Variants in PDE10A observed in about 807,000 individuals in gnomAD.
The protein encoded by PDE10A is cAMP and cAMP-inhibited cGMP 3',5'-cyclic phosphodiesterase 10A.
In PDE10A, 39 loss-of-function variants were observed where a neutral mutation model predicts 97.7. That is an observed-to-expected ratio of 0.40 (90% CI 0.31 to 0.52). The LOEUF is 0.52. PDE10A is among the 20% of genes least tolerant of loss of function. The pLI, the probability that PDE10A is intolerant of heterozygous loss-of-function variation, is 0.56. For synonymous variants in PDE10A, 371 were observed against 376.8 expected, an observed-to-expected ratio of 0.98 and a Z score of 0.18; for missense variants, 731 against 1,047.8, an observed-to-expected ratio of 0.70 and a Z score of 4.17.
intron 18 of PDE10A, among the ~76,000 whole-genome samples, chr6:165,368,429 A>G (rs922487165): frequency 1.3e-5 from 2 of 152,220 alleles, no homozygotes; most frequent in African/African-American, 4.8e-5. Flanking sequence ...AAGAGGTATA[A>G]ATTGAATTAT....
intron 2 of PDE10A, among the ~76,000 whole-genome samples, chr6:165,508,416 G>T (rs562626451): frequency 5.9e-5 from 9 of 151,888 alleles, no homozygotes; most frequent in Non-Finnish European, 1.2e-4. Flanking sequence ...TTATTGAAGA[G>T]TAGCATTCCT....
chr6:165,390,172 A>C (rs114406559), intron 16 of PDE10A, among the ~76,000 whole-genome samples: 3 of 152,188 alleles, frequency 2.0e-5, no homozygotes, highest in South Asian at 4.1e-4. Context: ...AAAAACAAAC[A>C]AACAAAAAAC....
intron 1 of PDE10A, among the ~76,000 whole-genome samples, chr6:165,595,165 C>T (rs1362196875): frequency 1.3e-5 from 2 of 152,188 alleles, no homozygotes; most frequent in East Asian, 1.9e-4. Context: ...AAGCCCTAGC[C>T]AGCTGCAGGG....
chr6:165,653,721 A>AGACC (rs925838689), intron 1 of PDE10A, among the ~76,000 whole-genome samples: 1 of 152,220 alleles, frequency 6.6e-6, no homozygotes, highest in Non-Finnish European at 1.5e-5. Flanking sequence ...TGATGCAGAT[A>AGACC]GAAACCAATG....
intron 1 of PDE10A, among the ~76,000 whole-genome samples, chr6:165,800,151 T>C (rs1217039098): frequency 6.6e-6 from 1 of 152,158 alleles, no homozygotes; most frequent in East Asian, 1.9e-4. Context: ...AAGGAACATT[T>C]TCTAAAAGCG....
chr6:165,905,951 T>G (rs1782249263), intron 1 of PDE10A, among the ~76,000 whole-genome samples: 4 of 148,946 alleles, frequency 2.7e-5, no homozygotes, highest in Admixed American at 2.7e-4. Context: ...TTTTTCCTTC[T>G]TTCTTTGTTC....
At chr6:165,895,242 C>T (rs532554964) in intron 1 of PDE10A, among the ~76,000 whole-genome samples, 2 of 152,292 alleles carry the variant, frequency 1.3e-5, no homozygotes, top group East Asian at 1.9e-4. Flanking sequence ...TCCATCAGGG[C>T]GGGCTCCACT....
At chr6:165,395,671 A>G (rs1786109937) in intron 14 of PDE10A, among the ~76,000 whole-genome samples, 1 of 152,204 alleles carries the variant, frequency 6.6e-6, no homozygotes, top group South Asian at 2.1e-4. Context: ...AATTTCACTA[A>G]TATAAACACC....
At chr6:165,958,683 AAAGAAAG>A (rs1784250173) in intron 1 of PDE10A, among the ~76,000 whole-genome samples, 1 of 74,020 alleles carries the variant, frequency 1.4e-5, no homozygotes, top group East Asian at 1.7e-3. Context: ...AGAAGGAAGG[AAAGAAAG>A]AAAGAGAAAG....
chr6:165,479,476 AT>A (rs1779479560), intron 3 of PDE10A, among the ~76,000 whole-genome samples: 1 of 152,032 alleles, frequency 6.6e-6, no homozygotes, highest in Non-Finnish European at 1.5e-5. Context: ...TCCCGCTCAA[AT>A]TTCACTTATG....
At chr6:165,856,532 G>T (rs995669297) in intron 1 of PDE10A, among the ~76,000 whole-genome samples, 12 of 152,196 alleles carry the variant, frequency 7.9e-5, no homozygotes, top group Non-Finnish European at 1.6e-4. Context: ...ACTAGTTGTA[G>T]CTGTTTCCAT....
intron 2 of PDE10A, among the ~76,000 whole-genome samples, chr6:165,536,170 T>C (rs1783074130): frequency 6.6e-6 from 1 of 151,874 alleles, no homozygotes; most frequent in Admixed American, 6.6e-5. Context: ...CCATATTTTT[T>C]AGTCAACTCA....
At chr6:165,901,072 C>A (rs531343846) in intron 1 of PDE10A, among the ~76,000 whole-genome samples, 1 of 152,000 alleles carries the variant, frequency 6.6e-6, no homozygotes, top group African/African-American at 2.4e-5. Context: ...TCCACCTCGG[C>A]CTCCACGTGG....
intron 1 of PDE10A, among the ~76,000 whole-genome samples, chr6:165,958,819 C>T (rs1784272675): frequency 6.6e-6 from 1 of 152,162 alleles, no homozygotes; most frequent in African/African-American, 2.4e-5. Context: ...CTTTCAATAT[C>T]ACTCATCACT....
Position 165,332,668 on chromosome 6 carries a change from T to C in PDE10A, c.*357A>G, listed in dbSNP as rs1221362230. ...ATAATAGTACCATTTTAAACCCTTA[T>C]TAGAAAGATACAATGGAAAAGTACC... On this transcript the variant is annotated 3_prime_UTR_variant, in exon 22 of 22. Coordinates refer to ENST00000539869, the MANE Select transcript of PDE10A (RefSeq NM_001385079.1). The C allele has an allele frequency of 4.3e-6, 1 of 233,242 alleles. No individual in the cohort carries two copies. The highest frequency in any genetic ancestry group is 2.3e-5 in the African/African-American group (1 of 43,642). 14.4% of individuals were successfully genotyped at this position (233,242 alleles called of 1,614,324 possible). A position where few individuals can be genotyped will look rare whatever the true frequency, so the allele number is the denominator to read the frequency against.
At chr6:165,462,587 T>C (rs887957491) in intron 3 of PDE10A, among the ~76,000 whole-genome samples, 16 of 152,164 alleles carry the variant, frequency 1.1e-4, no homozygotes, top group Admixed American at 3.3e-4. Context: ...GACCCCCTAG[T>C]TGCAGCCATG....
At chr6:165,427,286 A>T (rs542361131) in intron 10 of PDE10A, among the ~76,000 whole-genome samples, 1 of 152,316 alleles carries the variant, frequency 6.6e-6, no homozygotes, top group East Asian at 1.9e-4. Context: ...TTATTTGGTC[A>T]TAAAAATGAA....
At chr6:165,949,062 GA>G (rs1783870388) in intron 1 of PDE10A, 1 of 152,222 alleles carries the variant, frequency 6.6e-6, no homozygotes, top group African/African-American at 2.4e-5. Context: ...GATGGATTCA[GA>G]AACTCTATTT....
intron 1 of PDE10A, among the ~76,000 whole-genome samples, chr6:165,970,532 A>C (rs1250630083): frequency 6.6e-6 from 1 of 152,196 alleles, no homozygotes; most frequent in Admixed American, 6.5e-5. Flanking sequence ...AAATATCCAT[A>C]ACAGTTATCA....
Sources: allele counts gnomAD v4.1 joint callset (sites outside exome capture counted in the v4.1 genomes callset), GRCh38; gene constraint gnomAD v4.1.1; transcripts MANE v1.5; gene names NCBI Gene and HGNC (gene_info 2026-07-23, HGNC 2026-07-21).